The following POLA1 variants were observed in gnomAD, a reference collection of about 807,000 sequenced individuals.
POLA1 encodes DNA polymerase alpha 1, catalytic subunit, also known as DNA polymerase alpha catalytic subunit.
In POLA1, 15 loss-of-function variants were observed where a neutral mutation model predicts 124.0. The ratio of observed to expected loss-of-function variants is 0.12; its 90% confidence interval spans 0.08 to 0.19. The LOEUF is 0.19. Among genes scored for constraint, POLA1 ranks in the 10% least tolerant of loss-of-function variants. The pLI is 1.00. For synonymous variants in POLA1, 408 were observed against 389.4 expected, an observed-to-expected ratio of 1.05 and a Z score of -0.56; for missense variants, 886 against 1,103.4, an observed-to-expected ratio of 0.80 and a Z score of 2.79.
At chrX:24,858,290 A>G (rs997146076) in intron 34 of POLA1, among the ~76,000 whole-genome samples, 2 of 111,854 alleles carry the variant, frequency 1.8e-5, no homozygotes, top group Admixed American at 1.9e-4. Context: ...GGTGAGGAGT[A>G]GTGTGCATAG....
chrX:24,904,396 G>C (rs1335080471), intron 35 of POLA1, among the ~76,000 whole-genome samples: 3 of 109,689 alleles, frequency 2.7e-5, no homozygotes, highest in Non-Finnish European at 5.7e-5. Context: ...CACCCAGAGA[G>C]AATGTAGAAA....
chrX:24,951,865 T>C (rs1029818438), intron 36 of POLA1, among the ~76,000 whole-genome samples: 4 of 111,569 alleles, frequency 3.6e-5, no homozygotes, highest in Non-Finnish European at 7.5e-5. Context: ...TCAAAAGAAA[T>C]GTGGGGATTT....
chrX:24,763,738 A>G (rs368728514), intron 26 of POLA1, among the ~76,000 whole-genome samples: 96 of 111,813 alleles, frequency 8.6e-4, no homozygotes, highest in African/African-American at 3.0e-3. Flanking sequence ...TCAGGAAGAG[A>G]CACTGATGAT....
intron 26 of POLA1, among the ~76,000 whole-genome samples, chrX:24,804,299 C>T (rs1219984471): frequency 9.0e-6 from 1 of 111,148 alleles, no homozygotes; most frequent in Admixed American, 9.6e-5. Flanking sequence ...AGCACTGAGT[C>T]CTGCTTGGCA....
At chrX:24,844,242 A>C (rs1370179235) in intron 34 of POLA1, among the ~76,000 whole-genome samples, 1 of 111,992 alleles carries the variant, frequency 8.9e-6, no homozygotes, top group Non-Finnish European at 1.9e-5. Flanking sequence ...TTATAGTAAA[A>C]ATGCCAGAAC....
chrX:24,824,808 A>G lies in POLA1; in HGVS notation c.3562-1619A>G, dbSNP rs187421550. 6.3e-5 allele frequency among the ~76,000 whole-genome samples: 7 copies of G among 111,640 alleles called. No homozygotes were observed. The East Asian group carries it at 1.7e-3, about 27-fold the overall frequency. On this transcript the variant is annotated intron_variant, in intron 31 of 36. Transcript: ENST00000379068. ...AATAAAAACGTTTTAAACTGAAAGC[A>G]TGCTCAGAAAGTTTTCAACTGCTTT...
chrX:24,975,724 CCA>C (rs779180215), intron 36 of POLA1, among the ~76,000 whole-genome samples: 1 of 112,342 alleles, frequency 8.9e-6, no homozygotes, highest in South Asian at 3.7e-4. Flanking sequence ...GTCCCCTGGC[CCA>C]CACATTGTAA....
intron 26 of POLA1, among the ~76,000 whole-genome samples, chrX:24,803,449 G>A (rs912242812): frequency 9.0e-6 from 1 of 110,864 alleles, no homozygotes; most frequent in African/African-American, 3.3e-5. Flanking sequence ...GAGAAATCTT[G>A]ATATATATGT....
At chrX:24,888,168 G>A (rs1442384728) in intron 35 of POLA1, 46 bp downstream of exon 35, 2 of 834,596 alleles carry the variant, frequency 2.4e-6, no homozygotes, top group East Asian at 6.3e-5. Flanking sequence ...GAGGGTAGAG[G>A]GCTGCTTGCT....
intron 4 of POLA1, among the ~76,000 whole-genome samples, chrX:24,706,893 TATG>T (rs749314190): frequency 2.7e-3 from 309 of 112,724 alleles, no homozygotes; most frequent in Middle Eastern, 9.2e-3. Flanking sequence ...TTGTAAAACA[TATG>T]ATTTAAAAAT....
At chrX:24,809,159 GC>G (rs201083232) in intron 26 of POLA1, among the ~76,000 whole-genome samples, 30 of 109,370 alleles carry the variant, frequency 2.7e-4, no homozygotes, top group Non-Finnish European at 3.4e-4. Context: ...TATTTTAAAC[GC>G]CCCCCCCGAC....
intron 35 of POLA1, among the ~76,000 whole-genome samples, chrX:24,905,721 C>A (rs1222109618): frequency 9.1e-6 from 1 of 110,484 alleles, no homozygotes; most frequent in Admixed American, 9.6e-5. Context: ...CACCACCACG[C>A]CCGGCTAATT....
intron 32 of POLA1, among the ~76,000 whole-genome samples, chrX:24,834,447 GT>G (rs1302979275): frequency 8.9e-6 from 1 of 112,020 alleles, no homozygotes; most frequent in Non-Finnish European, 1.9e-5. Flanking sequence ...ACAGTAAATT[GT>G]TTATCTTTAA....
At chrX:24,719,296 G>C (rs1930049541) in intron 10 of POLA1, among the ~76,000 whole-genome samples, 1 of 110,692 alleles carries the variant, frequency 9.0e-6, no homozygotes, top group Admixed American at 9.6e-5. Flanking sequence ...GGCAGGGGTG[G>C]GGGCGGTCAG....
intron 36 of POLA1, among the ~76,000 whole-genome samples, chrX:24,991,383 CTT>C (rs904848635): frequency 2.7e-5 from 3 of 112,677 alleles, no homozygotes; most frequent in Non-Finnish European, 5.6e-5. Flanking sequence ...CAAGGTGACT[CTT>C]TTGCCACTGA....
At chrX:24,783,139 A>G (rs1324390681) in intron 26 of POLA1, among the ~76,000 whole-genome samples, 1 of 110,204 alleles carries the variant, frequency 9.1e-6, no homozygotes, top group African/African-American at 3.3e-5. Context: ...AGTACTACTC[A>G]GTTTGCTGTT....
intron 35 of POLA1, among the ~76,000 whole-genome samples, chrX:24,898,960 C>A (rs2047240194): frequency 9.0e-6 from 1 of 111,454 alleles, no homozygotes; most frequent in Non-Finnish European, 1.9e-5. Flanking sequence ...AGCCTGTCCC[C>A]TTTGAAAACT....
At chrX:24,696,833 T>G (rs1428083171) in intron 1 of POLA1, among the ~76,000 whole-genome samples, 3 of 111,940 alleles carry the variant, frequency 2.7e-5, no homozygotes, top group African/African-American at 9.7e-5. Context: ...CTACACTCCC[T>G]TGTCGAATTT....
At chrX:24,959,864 T>C (rs1330794010) in intron 36 of POLA1, among the ~76,000 whole-genome samples, 6 of 111,692 alleles carry the variant, frequency 5.4e-5, no homozygotes, top group South Asian at 3.8e-4. Flanking sequence ...GAATGGCATA[T>C]ATGGCTTACA....
Sources: allele counts gnomAD v4.1 joint callset (sites outside exome capture counted in the v4.1 genomes callset), GRCh38; gene constraint gnomAD v4.1.1; transcripts MANE v1.5; gene names NCBI Gene and HGNC (gene_info 2026-07-23, HGNC 2026-07-21).